GRK1: variants seen among roughly 807,000 people sequenced by gnomAD.
GRK1 encodes the protein rhodopsin kinase GRK1.
In GRK1, 28 loss-of-function variants were observed where a neutral mutation model predicts 41.7. The ratio of observed to expected loss-of-function variants is 0.67; its 90% confidence interval spans 0.50 to 0.92. The LOEUF (loss-of-function observed/expected upper bound fraction) is 0.92. Ranked by LOEUF, GRK1 falls within the 40% of genes least tolerant of loss-of-function variation. GRK1 has a pLI of 0.00. For missense variants in GRK1, 703 were observed against 671.2 expected, an observed-to-expected ratio of 1.05 and a Z score of -0.52; for synonymous variants, 327 against 286.7, an observed-to-expected ratio of 1.14 and a Z score of -1.42.
At chr13:113,672,644 A>G (rs1347636131) in intron 3 of GRK1, among the ~76,000 whole-genome samples, 1 of 1,570 alleles carries the variant, frequency 6.4e-4, no homozygotes, top group Non-Finnish European at 9.2e-4. Flanking sequence ...TTTGTTTAGA[A>G]CTAAACAAGT....
In GRK1 at chr13:113,732,848, G is replaced by A. The variant is rs769237233; in HGVS notation, c.1195-36G>A. The A allele has an allele frequency of 1.3e-5, 19 of 1,512,892 alleles. No homozygotes were observed. In the South Asian group the frequency reaches 2.4e-4, roughly 19 times the overall value. 93.7% of individuals were successfully genotyped at this position (1,512,892 alleles called of 1,614,324 possible). On this transcript the variant is annotated intron_variant, in intron 5 of 6. Transcript: ENST00000335678. Reference sequence around the variant, plus strand: ...CTGGTCTGACCACCCAAGAGAGGCGGGTCTGGCAGGGCTAAGGCTACGCGT... The same window carrying A: ...CTGGTCTGACCACCCAAGAGAGGCGAGTCTGGCAGGGCTAAGGCTACGCGT...
chr13:113,662,676 T>C (rs1043585192), upstream of GRK1, among the ~76,000 whole-genome samples: 48 of 152,126 alleles, frequency 3.2e-4, no homozygotes, highest in African/African-American at 1.0e-3. Flanking sequence ...GATACCAAAA[T>C]TAAAAACACA....
At chr13:113,733,983 T>C (rs1364630215) in intron 6 of GRK1, among the ~76,000 whole-genome samples, 12 of 130,672 alleles carry the variant, frequency 9.2e-5, no homozygotes, top group African/African-American at 1.3e-4. Flanking sequence ...TGTGCGCATG[T>C]GTGTGCATAC....
chr13:113,732,209 C>T (rs1036236136), intron 5 of GRK1, among the ~76,000 whole-genome samples: 3 of 152,170 alleles, frequency 2.0e-5, no homozygotes, highest in Non-Finnish European at 2.9e-5. Flanking sequence ...GCGGCTCTTC[C>T]CTGGCCACCC....
chr13:113,734,064 G>A (rs1320865051), intron 6 of GRK1, among the ~76,000 whole-genome samples: 2 of 151,912 alleles, frequency 1.3e-5, no homozygotes, highest in African/African-American at 4.8e-5. Flanking sequence ...GTGTGTGCAT[G>A]TGTGTGCGTG....
Position 113,669,747 on chromosome 13 carries a change from G to C in GRK1, c.760G>C (p.Ala254Pro). 1 of 1,613,970 alleles carries C rather than the reference G, an allele frequency of 6.2e-7. No homozygotes were observed. The highest frequency in any genetic ancestry group is 8.5e-7 in the Non-Finnish European group (1 of 1,179,882). The change falls in exon 2 of 7, where the codon GCC becomes CCC. Residue 254 changes from alanine (A) to proline (P), a missense_variant. Transcript: ENST00000335678. ...ACACAGCAGGTTCATCGTGTCTCTG[G>C]CCTATGCGTTTGAAACCAAAGCCGA... ...KVHSRFIVSL[A>P]YAFETKADLC...
At chr13:113,658,132 G>A in the GRK1 span, 5 of 1,612,548 alleles carry the variant, frequency 3.1e-6, no homozygotes, top group Non-Finnish European at 4.2e-6. Context: ...TTCTTCTCCT[G>A]CAGAGCCGCC....
chr13:113,729,190 G>A (rs1239977743), intron 4 of GRK1, among the ~76,000 whole-genome samples: 2 of 152,212 alleles, frequency 1.3e-5, no homozygotes, highest in African/African-American at 2.4e-5. Flanking sequence ...CGAACCTAGA[G>A]TAGGGGTGTT....
upstream of GRK1, chr13:113,667,200 G>A (rs555688658): frequency 1.5e-5 from 9 of 590,544 alleles, no homozygotes; most frequent in East Asian, 1.7e-4. This position sits in a 1 kb window ranked among gnomAD's most constrained non-coding sequence, Gnocchi z 7.5. Context: ...TGTCAGCCCC[G>A]GGCTCCCAGG....
intron 2 of GRK1, 135 bp downstream of exon 2, chr13:113,669,949 A>G (rs2049845855): frequency 9.5e-7 from 1 of 1,057,860 alleles, no homozygotes; most frequent in Non-Finnish European, 1.3e-6. Flanking sequence ...TGCACCCATC[A>G]CAATCCCCTT....
chr13:113,671,363 G>C lies in GRK1; in HGVS notation c.828-136G>C. The C allele has an allele frequency of 1.5e-6, 1 of 677,372 alleles. No individual in the cohort carries two copies. The highest frequency in any genetic ancestry group is 1.6e-5 in the South Asian group (1 of 61,228). The allele number at this position is 677,372 out of a possible 1,614,324, so 42.0% of individuals were successfully genotyped here. A position where few individuals can be genotyped will look rare whatever the true frequency, so the allele number is the denominator to read the frequency against. ...CATGGCCTTCGGGTGTCCTCTGCAG[G>C]GACGTAGGGGGGCCAGGCCTCAAAA... On this transcript the variant is annotated intron_variant, in intron 2 of 6. Transcript: ENST00000335678. The surrounding 1 kb of genome is among the most constrained non-coding windows in gnomAD (Gnocchi z 4.1).
At chr13:113,734,021 TGCGTGC>T (rs2049981870) in intron 6 of GRK1, among the ~76,000 whole-genome samples, 2 of 147,452 alleles carry the variant, frequency 1.4e-5, no homozygotes, top group African/African-American at 5.3e-5. Context: ...TGCATGTGTG[TGCGTGC>T]GTGTGCGTAT....
intron 4 of GRK1, among the ~76,000 whole-genome samples, chr13:113,729,006 C>A (rs1363655268): frequency 6.6e-6 from 1 of 152,194 alleles, no homozygotes; most frequent in Admixed American, 6.5e-5. Flanking sequence ...TCCATCTTCT[C>A]TGTGAGGAGC....
chr13:113,658,150 C>T, the GRK1 span: 1 of 1,610,304 alleles, frequency 6.2e-7, no homozygotes, highest in South Asian at 1.1e-5. Flanking sequence ...GCCATCGTCC[C>T]TGGCCTGAGA....
rs2049992383 is a variant in GRK1 at position 113,735,050 on chromosome 13, GT to G, written c.1397-14del. On this transcript the variant is annotated splice_polypyrimidine_tract_variant and intron_variant, in intron 6 of 6. Transcript: ENST00000335678. The stretch of plus-strand genomic sequence containing the variant: ...CCACCACGAGGAGCCTGGCGTCTGT[GT>G]TTTCTGTCTCCCACAGGGATGCTGA... 2 of 1,482,776 alleles carry G rather than the reference GT, an allele frequency of 1.3e-6. No individual in the cohort carries two copies. The highest frequency in any genetic ancestry group is 1.4e-5 in the African/African-American group (1 of 71,264). The allele number at this position is 1,482,776 out of a possible 1,614,324, so 91.9% of individuals were successfully genotyped here.
At chr13:113,649,239 G>A in the GRK1 span, 10 of 1,066,772 alleles carry the variant, frequency 9.4e-6, no homozygotes, top group East Asian at 5.9e-5. The surrounding 1 kb of genome is among the most constrained non-coding windows in gnomAD (Gnocchi z 4.7). Context: ...TCTGGAGTTC[G>A]CACACTGACA....
the GRK1 span, chr13:113,654,693 C>T: frequency 4.9e-5 from 71 of 1,439,756 alleles, no homozygotes; most frequent in Admixed American, 9.8e-5. Context: ...CTGGGGCTGC[C>T]GGGCTGGCTT....
chr13:113,733,633 G>C (rs926852160), intron 6 of GRK1, among the ~76,000 whole-genome samples: 3 of 149,876 alleles, frequency 2.0e-5, no homozygotes, highest in African/African-American at 7.4e-5. Flanking sequence ...ATACGTGTGT[G>C]CTCATGTATG....
intron 4 of GRK1, among the ~76,000 whole-genome samples, chr13:113,727,307 C>T (rs1035285063): frequency 6.6e-6 from 1 of 152,248 alleles, no homozygotes; most frequent in African/African-American, 2.4e-5. Flanking sequence ...GGGCGGAGCA[C>T]TCAGGGAGGC....
Sources: allele counts gnomAD v4.1 joint callset (sites outside exome capture counted in the v4.1 genomes callset), GRCh38; gene constraint gnomAD v4.1.1; non-coding constraint Gnocchi (gnomAD v3.1); transcripts MANE v1.5; gene names NCBI Gene and HGNC (gene_info 2026-07-23, HGNC 2026-07-21).